Variants in PIBF1 observed in about 807,000 individuals in gnomAD.
PIBF1 encodes progesterone-induced-blocking factor 1.
PIBF1 carries 90 observed loss-of-function variants against 112.5 expected under a neutral mutation model. The observed-to-expected ratio is 0.80, with a 90% confidence interval of 0.67 to 0.95. PIBF1 has a LOEUF of 0.95. PIBF1 is among the 40% of genes least tolerant of loss of function. The pLI is 0.00. For synonymous variants in PIBF1, 301 were observed against 288.6 expected (o/e 1.04, Z -0.44); for missense variants, 915 against 852.3 (o/e 1.07, Z -0.92).
chr13:72,796,214 A>C (rs761210509), intron 4 of PIBF1, among the ~76,000 whole-genome samples: 39 of 152,192 alleles, frequency 2.6e-4, no homozygotes, highest in Non-Finnish European at 5.3e-4. Flanking sequence ...GGCAAACTCC[A>C]CTGAACAGTC....
At chr13:72,848,849 A>G (rs1306132325) in intron 9 of PIBF1, among the ~76,000 whole-genome samples, 1 of 151,926 alleles carries the variant, frequency 6.6e-6, no homozygotes, top group Non-Finnish European at 1.5e-5. Context: ...AAAAAAAAGA[A>G]CTTAACTCTT....
At chr13:72,851,218 C>T (rs2038135376) in intron 9 of PIBF1, among the ~76,000 whole-genome samples, 1 of 152,128 alleles carries the variant, frequency 6.6e-6, no homozygotes, top group African/African-American at 2.4e-5. Flanking sequence ...CCCTCCCAGG[C>T]GCAGCTGCAG....
intron 9 of PIBF1, among the ~76,000 whole-genome samples, chr13:72,849,615 A>G (rs925958168): frequency 2.6e-5 from 4 of 152,222 alleles, no homozygotes; most frequent in Non-Finnish European, 5.9e-5. Context: ...TATATTCACA[A>G]TTCTTTCAAG....
chr13:72,884,082 C>A (rs1381726492), intron 10 of PIBF1, among the ~76,000 whole-genome samples: 1 of 152,040 alleles, frequency 6.6e-6, no homozygotes, highest in Non-Finnish European at 1.5e-5. Context: ...TCAAAATATC[C>A]CATATACGTA....
chr13:72,792,421 TA>T, intron 2 of PIBF1, 25 bp from the exon 3 acceptor site: 1 of 1,307,988 alleles, frequency 7.6e-7, no homozygotes, highest in Non-Finnish European at 1.1e-6. Flanking sequence ...ACAAATCATA[TA>T]ATTTATCTTT....
chr13:72,948,018 A>G (rs2042195613), intron 14 of PIBF1, among the ~76,000 whole-genome samples: 1 of 152,116 alleles, frequency 6.6e-6, no homozygotes, highest in South Asian at 2.1e-4. Context: ...CATAAGTGGG[A>G]GTTAAACAAT....
At chr13:72,959,793 G>T (rs1361983221) in intron 14 of PIBF1, among the ~76,000 whole-genome samples, 1 of 152,092 alleles carries the variant, frequency 6.6e-6, no homozygotes, top group Non-Finnish European at 1.5e-5. Flanking sequence ...TGAAACAAAG[G>T]AAGAATAACA....
chr13:72,986,155 T>G (rs2043282319), intron 16 of PIBF1, among the ~76,000 whole-genome samples: 1 of 151,832 alleles, frequency 6.6e-6, no homozygotes, highest in Admixed American at 6.6e-5. Flanking sequence ...AGTGAGACCC[T>G]ATCTCAAAAA....
At chr13:72,935,009 A>G (rs1157645193) in intron 14 of PIBF1, among the ~76,000 whole-genome samples, 2 of 152,074 alleles carry the variant, frequency 1.3e-5, no homozygotes, top group Admixed American at 6.6e-5. Flanking sequence ...TTATTGAGAC[A>G]GAGCCTCACT....
intron 17 of PIBF1, among the ~76,000 whole-genome samples, chr13:73,014,831 C>G (rs549928039): frequency 6.6e-6 from 1 of 152,280 alleles, no homozygotes; most frequent in East Asian, 1.9e-4. Flanking sequence ...CTCTGTCACT[C>G]AGACTGGAGT....
chr13:72,841,349 T>C (rs1028539541), intron 9 of PIBF1, among the ~76,000 whole-genome samples: 2 of 152,168 alleles, frequency 1.3e-5, no homozygotes, highest in Admixed American at 1.3e-4. Context: ...AATAAGACAT[T>C]CTGTGAGTGG....
chr13:72,918,883 T>C (rs1314874449), intron 13 of PIBF1, among the ~76,000 whole-genome samples: 6 of 151,644 alleles, frequency 4.0e-5, no homozygotes, highest in African/African-American at 1.5e-4. Context: ...TTTGTATTTT[T>C]AATAGCGACA....
intron 14 of PIBF1, among the ~76,000 whole-genome samples, chr13:72,960,579 C>G (rs1433441400): frequency 6.6e-6 from 1 of 152,174 alleles, no homozygotes; most frequent in Non-Finnish European, 1.5e-5. Flanking sequence ...ACAGCTCATT[C>G]TAGACAGAAG....
rs115590246 is a variant in PIBF1, at chr13:72,915,235, A to G, written c.1640-1841A>G. 5.3e-3 allele frequency among the ~76,000 whole-genome samples: 811 copies of G among 152,222 alleles called. 15 individuals are homozygous for G. Among genetic ancestry groups the G allele is most frequent in the African/African-American group, 0.018 (760 of 41,542 alleles). On this transcript the variant is annotated intron_variant, in intron 12 of 17. Coordinates refer to ENST00000326291, the MANE Select transcript of PIBF1 (RefSeq NM_006346.4). Reference sequence around the variant, plus strand: ...ACCTTACAAGTCTATGCTTCTGCACATGGACTTCTCTCCTATTCCTTCACT... The same window carrying G: ...ACCTTACAAGTCTATGCTTCTGCACGTGGACTTCTCTCCTATTCCTTCACT...
chr13:72,968,953 A>G (rs935565844), intron 15 of PIBF1, among the ~76,000 whole-genome samples: 8 of 151,864 alleles, frequency 5.3e-5, no homozygotes, highest in African/African-American at 1.9e-4. Flanking sequence ...AGGTGGGAGG[A>G]TGAGTTGAGC....
intron 10 of PIBF1, among the ~76,000 whole-genome samples, chr13:72,876,410 A>G (rs189130157): frequency 1.3e-5 from 2 of 152,116 alleles, no homozygotes; most frequent in Admixed American, 6.6e-5. Flanking sequence ...AATATTGGCT[A>G]TTCTGGGTCT....
chr13:72,938,449 TC>T (rs2041929977), intron 14 of PIBF1, among the ~76,000 whole-genome samples: 1 of 152,274 alleles, frequency 6.6e-6, no homozygotes, highest in African/African-American at 2.4e-5. Context: ...ATAAATGAAA[TC>T]ATGCAATATT....
In PIBF1 at chr13:72,807,811, A is replaced by AT. The variant is rs1477875142; in HGVS notation, c.672+9791dup. 7.2e-5 allele frequency among the ~76,000 whole-genome samples: 11 copies of AT among 152,266 alleles called. No individual in the cohort carries two copies. The East Asian group carries it at 2.1e-3, about 29-fold the overall frequency. Reference sequence around the variant, plus strand: ...AATTGATCACCTGCCCCAGAGTGTAATTTTTTGCCATTTTATTATAGAAAT... The same window carrying AT: ...AATTGATCACCTGCCCCAGAGTGTAATTTTTTTGCCATTTTATTATAGAAAT... On this transcript the variant is annotated intron_variant, in intron 5 of 17. Transcript: ENST00000326291.
chr13:72,903,070 A>T (rs1327618042), intron 11 of PIBF1, among the ~76,000 whole-genome samples: 1 of 151,526 alleles, frequency 6.6e-6, no homozygotes, highest in Non-Finnish European at 1.5e-5. Context: ...TAATGTTTTT[A>T]TGTTTTTCGT....
Sources: gnomAD v4.1 joint callset for allele counts (sites outside exome capture counted in the v4.1 genomes callset) on GRCh38, gnomAD v4.1.1 for gene constraint, MANE v1.5 for transcripts, NCBI Gene and HGNC (gene_info 2026-07-23, HGNC 2026-07-21) for gene names.